Variants in BANP observed in about 807,000 individuals in gnomAD.
BANP encodes the protein protein BANP.
Under a neutral mutation model 68.1 loss-of-function variants are expected in BANP, and 11 were observed. The observed-to-expected ratio is 0.16, with a 90% CI of 0.10 to 0.27. The LOEUF (loss-of-function observed/expected upper bound fraction) is 0.27, where lower values mean the gene tolerates loss of function less well. Among genes scored for constraint, BANP ranks in the 10% least tolerant of loss-of-function variants. The pLI is 1.00. For synonymous variants in BANP, 329 were observed against 303.2 expected, an observed-to-expected ratio of 1.09 and a Z score of -0.88; for missense variants, 504 against 722.7, an observed-to-expected ratio of 0.70 and a Z score of 3.47.
chr16:88,046,230 ATG>A (rs558198353), intron 11 of BANP, among the ~76,000 whole-genome samples: 3 of 151,868 alleles, frequency 2.0e-5, no homozygotes, highest in East Asian at 3.9e-4. Flanking sequence ...GCATGTGTGA[ATG>A]TGTGTGTGTG....
chr16:88,018,483 A>T lies in BANP; in HGVS notation c.711A>T (p.Val237=). The T allele has an allele frequency of 6.2e-7, 1 of 1,613,382 alleles. No homozygotes were observed. The highest frequency in any genetic ancestry group is 8.5e-7 in the Non-Finnish European group (1 of 1,179,984). ...LGDENNPEMR[V]RCAIIPSDML... ...ACGAGAACAACCCCGAGATGCGGGT[A>T]CGCTGCGCCATCATCCCCTCCGACA... Residue 237 remains valine, a synonymous_variant, in exon 7 of 14, where the codon GTA becomes GTT. Transcript: ENST00000682872. This position sits in a 1 kb window ranked among gnomAD's most constrained non-coding sequence, Gnocchi z 7.7.
chr16:88,049,256 A>G (rs974962096), intron 11 of BANP, among the ~76,000 whole-genome samples: 2 of 152,106 alleles, frequency 1.3e-5, no homozygotes, highest in Non-Finnish European at 2.9e-5. Flanking sequence ...GGTTTGATTA[A>G]TTTGCTGGAG....
At chr16:87,962,339 G>A (rs747027535) in intron 1 of BANP, among the ~76,000 whole-genome samples, 2 of 151,538 alleles carry the variant, frequency 1.3e-5, no homozygotes, top group Admixed American at 6.6e-5. Flanking sequence ...GTAAGACAGC[G>A]TTAATATGTA....
At chr16:88,075,350 A>C (rs2091365525) in intron 13 of BANP, among the ~76,000 whole-genome samples, 1 of 152,170 alleles carries the variant, frequency 6.6e-6, no homozygotes, top group African/African-American at 2.4e-5. Flanking sequence ...CGTCTCAAAA[A>C]AATTTAGCCG....
rs1567828554 is a variant in BANP, at chr16:88,036,008, A to C, written c.1272+614A>C. On this transcript the variant is annotated intron_variant, in intron 10 of 13. Transcript: ENST00000682872. This position sits in a 1 kb window ranked among gnomAD's most constrained non-coding sequence, Gnocchi z 4.2. ...TCTGGAATGTGAAGGCGGCAGTGAC[A>C]GTCTGAGTTCTTGGAAAGCCGAGGC... Among the ~76,000 whole-genome samples, 2 of 152,212 alleles carry C rather than the reference A, an allele frequency of 1.3e-5. No individual in the cohort carries two copies. The highest frequency in any genetic ancestry group is 4.8e-5 in the African/African-American group (2 of 41,454).
intron 6 of BANP, among the ~76,000 whole-genome samples, chr16:88,013,664 A>G (rs2073801403): frequency 6.6e-6 from 1 of 152,198 alleles, no homozygotes; most frequent in Admixed American, 6.5e-5. Flanking sequence ...CAGGAGTGGT[A>G]TCCTTTATGG....
At chr16:87,986,919 G>C (rs559036285) in intron 4 of BANP, among the ~76,000 whole-genome samples, 1 of 152,218 alleles carries the variant, frequency 6.6e-6, no homozygotes, top group Non-Finnish European at 1.5e-5. Flanking sequence ...TTGTATATCA[G>C]CATGGGGATT....
At chr16:88,055,024 G>C (rs2084634425) in intron 11 of BANP, among the ~76,000 whole-genome samples, 1 of 151,982 alleles carries the variant, frequency 6.6e-6, no homozygotes, top group Non-Finnish European at 1.5e-5. Flanking sequence ...TTCAAGGCTT[G>C]ATTATTAATC....
chr16:88,073,554 C>G (rs6540163), intron 13 of BANP, among the ~76,000 whole-genome samples: 131,446 of 152,312 alleles, frequency 0.86, 56,961 homozygotes, highest in Non-Finnish European at 0.9. Flanking sequence ...CAGTGAGGAG[C>G]GGGTGGGTGG....
chr16:88,075,563 G>A (rs184677155), intron 13 of BANP, among the ~76,000 whole-genome samples: 6 of 152,146 alleles, frequency 3.9e-5, no homozygotes, highest in Admixed American at 1.3e-4. Context: ...TCTTCCTCCC[G>A]TGGGCTCGGC....
At chr16:87,951,551 C>T (rs1189595194) in intron 1 of BANP, 36 bp downstream of exon 1, 2 of 152,732 alleles carry the variant, frequency 1.3e-5, no homozygotes, top group Admixed American at 6.6e-5. Context: ...GCGCCTCCGC[C>T]TCCCCCTTCC....
Position 88,018,676 on chromosome 16 carries a change from G to A in BANP, c.895+9G>A. The A allele has an allele frequency of 6.4e-7, 1 of 1,554,734 alleles. No individual in the cohort carries two copies. Among genetic ancestry groups the A allele is most frequent in the Middle Eastern group, 1.7e-4 (1 of 5,774 alleles). On this transcript the variant is annotated intron_variant, in intron 7 of 13. Coordinates refer to ENST00000682872, the MANE Select transcript of BANP (RefSeq NM_001386991.1). The surrounding 1 kb of genome is among the most constrained non-coding windows in gnomAD (Gnocchi z 7.7). ...CATCTACGGCATCCGGTGTAAGTCG[G>A]GCCCCGCCTTGGGGGACTGGGGTGT...
rs146966347 is a variant in BANP, at chr16:87,970,355, A to C, written c.-68-4693A>C. ...CCACATAGATGGTGCTGAATTCTTC[A>C]TTAATGAGGCAGATAGTGTGTGTTT... On this transcript the variant is annotated intron_variant, in intron 1 of 13. Coordinates refer to ENST00000682872, the MANE Select transcript of BANP (RefSeq NM_001386991.1). 6.7e-3 allele frequency among the ~76,000 whole-genome samples: 1,028 copies of C among 152,358 alleles called. 9 individuals carry two copies. Among genetic ancestry groups the C allele is most frequent in the African/African-American group, 0.023 (952 of 41,582 alleles).
At chr16:88,065,982 G>A (rs773702936) in intron 12 of BANP, among the ~76,000 whole-genome samples, 27 of 152,136 alleles carry the variant, frequency 1.8e-4, no homozygotes, top group Non-Finnish European at 3.4e-4. Flanking sequence ...GTGGGGATGG[G>A]AGCACGGGAG....
At chr16:87,975,855 G>A (rs11646220) in intron 2 of BANP, among the ~76,000 whole-genome samples, 1,929 of 84,378 alleles carry the variant, frequency 0.023, 5 homozygotes, top group Non-Finnish European at 0.034. Context: ...CCCTGTGTGT[G>A]GCGTCATGGA....
At chr16:87,990,888 C>G (rs987914572) in intron 4 of BANP, among the ~76,000 whole-genome samples, 11 of 152,118 alleles carry the variant, frequency 7.2e-5, no homozygotes, top group Non-Finnish European at 1.6e-4. Context: ...TCAGCCTCCC[C>G]ACTAGCTGGG....
chr16:87,974,987 C>A, intron 1 of BANP, 61 bp from the exon 2 acceptor site: 3 of 777,604 alleles, frequency 3.9e-6, no homozygotes, highest in South Asian at 1.6e-5. Flanking sequence ...TCGTGGTTTT[C>A]ATAATTTCAC....
chr16:88,072,150 A>G lies in BANP; in HGVS notation c.1459A>G (p.Ser487Gly). The change falls in exon 13 of 14, where the codon AGC becomes GGC. Residue 487 changes from serine (S) to glycine (G), a missense_variant. Transcript: ENST00000682872. ...AGVDGSPLQGSDIQVQYVQLA... is the reference protein window; with the variant it reads ...AGVDGSPLQGGDIQVQYVQLA... ...CGTGGATGGGTCGCCACTCCAGGGC[A>G]GCGACATCCAGGTTCAGTACGTGCA... is the stretch of plus-strand genomic sequence containing the variant. 2.5e-6 allele frequency: 4 copies of G among 1,611,466 alleles called. No individual in the cohort carries two copies. The South Asian group carries it at 3.3e-5, about 13-fold the overall frequency.
intron 6 of BANP, among the ~76,000 whole-genome samples, chr16:88,014,431 G>T (rs1398282036): frequency 6.6e-6 from 1 of 152,050 alleles, no homozygotes; most frequent in East Asian, 1.9e-4. Flanking sequence ...AAGTCAGGGA[G>T]GTTCTCGGTG....
Sources: gnomAD v4.1 joint callset for allele counts (sites outside exome capture counted in the v4.1 genomes callset) on GRCh38, gnomAD v4.1.1 for gene constraint, Gnocchi (gnomAD v3.1) non-coding constraint, MANE v1.5 for transcripts, NCBI Gene and HGNC (gene_info 2026-07-23, HGNC 2026-07-21) for gene names.